PLA2G4A: variants seen among roughly 807,000 people sequenced by gnomAD.
PLA2G4A encodes the protein phospholipase A2 group IVA.
Under a neutral mutation model 81.9 loss-of-function variants are expected in PLA2G4A, and 40 were observed. The observed-to-expected ratio is 0.49, with a 90% CI of 0.38 to 0.64. PLA2G4A has a LOEUF of 0.64. Among genes scored for constraint, PLA2G4A ranks in the 30% least tolerant of loss-of-function variants. The pLI, the probability that PLA2G4A is intolerant of heterozygous loss-of-function variation, is 0.00. For missense variants in PLA2G4A, 715 were observed against 905.1 expected (o/e 0.79, Z 2.69); for synonymous variants, 302 against 296.9 (o/e 1.02, Z -0.18).
At chr1:186,913,661 CAT>C (rs10603183) in intron 7 of PLA2G4A, among the ~76,000 whole-genome samples, 33,785 of 151,934 alleles carry the variant, frequency 0.22, 4,360 homozygotes, top group South Asian at 0.38. Context: ...CATAAGTAAA[CAT>C]ATATGTGCAT....
chr1:186,851,008 C>A (rs541190771), intron 1 of PLA2G4A, among the ~76,000 whole-genome samples: 5 of 151,984 alleles, frequency 3.3e-5, no homozygotes, highest in Non-Finnish European at 7.4e-5. Flanking sequence ...AAAAGCAAAT[C>A]ATATGCATTG....
intron 3 of PLA2G4A, among the ~76,000 whole-genome samples, chr1:186,886,165 C>T (rs1396885116): frequency 1.3e-5 from 2 of 152,044 alleles, no homozygotes; most frequent in Non-Finnish European, 2.9e-5. Context: ...CCTGATATTA[C>T]AATTAATATA....
rs567124365 is a variant in PLA2G4A at position 186,872,417 on chromosome 1, T to A, written c.115+1901T>A. ...AAAAGCCATTCTTAATTCCACTAAA[T>A]TCTGTGTCAGTAGCTTGTCAGGCAT... On this transcript the variant is annotated intron_variant, in intron 3 of 17. Coordinates refer to ENST00000367466, the MANE Select transcript of PLA2G4A (RefSeq NM_024420.3). Among the ~76,000 whole-genome samples the A allele has an allele frequency of 3.3e-5, 5 of 152,224 alleles. No individual in the cohort carries two copies. In the South Asian group the frequency reaches 8.3e-4, roughly 25 times the overall value.
At chr1:186,939,492 GAAAAAAAAAAA>G (rs10599543) in intron 9 of PLA2G4A, among the ~76,000 whole-genome samples, 7 of 143,202 alleles carry the variant, frequency 4.9e-5, no homozygotes, top group African/African-American at 1.7e-4. Flanking sequence ...CTTTTCTCTG[GAAAAAAAAAAA>G]AAAAAAAAAA....
rs1316087363 is a variant in PLA2G4A at position 186,983,098 on chromosome 1, A to G, written c.2118+3626A>G. On this transcript the variant is annotated intron_variant, in intron 17 of 17. Coordinates refer to ENST00000367466, the MANE Select transcript of PLA2G4A (RefSeq NM_024420.3). Reference sequence around the variant, plus strand: ...GAGTCTGTCTCAAAAAAAAAAAAAAAAGAAAAGAAAAGAAAAGAAAACACA... The same window carrying G: ...GAGTCTGTCTCAAAAAAAAAAAAAAGAGAAAAGAAAAGAAAAGAAAACACA... 1.7e-3 allele frequency among the ~76,000 whole-genome samples: 248 copies of G among 149,290 alleles called. 4 individuals are homozygous for G. The highest frequency in any genetic ancestry group is 3.5e-3 in the Middle Eastern group (1 of 286).
chr1:186,868,779 G>A (rs757347177), intron 2 of PLA2G4A, among the ~76,000 whole-genome samples: 6 of 151,954 alleles, frequency 3.9e-5, no homozygotes, highest in East Asian at 1.9e-4. Flanking sequence ...TTAAGAAATC[G>A]ATCCATTTCA....
chr1:186,899,481 G>A (rs1470898110), intron 5 of PLA2G4A, among the ~76,000 whole-genome samples: 1 of 152,170 alleles, frequency 6.6e-6, no homozygotes, highest in Admixed American at 6.5e-5. Flanking sequence ...TCCTGGTGAA[G>A]AGAACAGCCT....
intron 1 of PLA2G4A, among the ~76,000 whole-genome samples, chr1:186,848,020 A>G (rs777160636): frequency 1.3e-5 from 2 of 152,150 alleles, no homozygotes; most frequent in Admixed American, 6.6e-5. Context: ...AAGAATCTTA[A>G]ATCCTATACA....
At chr1:186,911,675 T>A (rs972182193) in intron 7 of PLA2G4A, among the ~76,000 whole-genome samples, 2 of 152,030 alleles carry the variant, frequency 1.3e-5, no homozygotes, top group Non-Finnish European at 2.9e-5. Flanking sequence ...GCACAGAGAG[T>A]TCCAATATGC....
intron 3 of PLA2G4A, among the ~76,000 whole-genome samples, chr1:186,879,828 T>C (rs1653659791): frequency 1.2e-5 from 1 of 86,942 alleles, no homozygotes; most frequent in Non-Finnish European, 3.1e-5. Flanking sequence ...TGTTTATTTT[T>C]ATTTATTTAT....
At chr1:186,832,509 TATAAA>T in intron 1 of PLA2G4A, among the ~76,000 whole-genome samples, 1 of 152,260 alleles carries the variant, frequency 6.6e-6, no homozygotes, top group South Asian at 2.1e-4. Flanking sequence ...TTATGAGCAA[TATAAA>T]AGAGTAGAGT....
intron 2 of PLA2G4A, among the ~76,000 whole-genome samples, chr1:186,864,652 A>G (rs937998682): frequency 1.5e-4 from 22 of 149,690 alleles, no homozygotes; most frequent in African/African-American, 2.7e-4. Context: ...TCAGATTATT[A>G]TTATTATTAT....
intron 1 of PLA2G4A, among the ~76,000 whole-genome samples, chr1:186,833,245 A>C (rs1651661104): frequency 6.6e-6 from 1 of 152,042 alleles, no homozygotes; most frequent in African/African-American, 2.4e-5. Flanking sequence ...ATTTTGAAAA[A>C]ATCAGCTGGA....
intron 6 of PLA2G4A, among the ~76,000 whole-genome samples, chr1:186,907,988 C>T (rs1051496464): frequency 3.3e-5 from 5 of 151,986 alleles, no homozygotes; most frequent in South Asian, 2.1e-4. Flanking sequence ...TTTTGTTTAG[C>T]GGGGAATAGT....
intron 4 of PLA2G4A, among the ~76,000 whole-genome samples, chr1:186,893,636 A>G (rs1654225832): frequency 6.6e-6 from 1 of 152,134 alleles, no homozygotes; most frequent in Non-Finnish European, 1.5e-5. Context: ...CAGTACTCAG[A>G]AGGAAAAGAT....
intron 3 of PLA2G4A, among the ~76,000 whole-genome samples, chr1:186,872,182 A>G (rs951530805): frequency 6.6e-6 from 1 of 152,080 alleles, no homozygotes; most frequent in Admixed American, 6.6e-5. Flanking sequence ...AACCCATCTA[A>G]TCATCCCTTT....
At chr1:186,912,992 C>T (rs910870345) in intron 7 of PLA2G4A, among the ~76,000 whole-genome samples, 1 of 150,330 alleles carries the variant, frequency 6.7e-6, no homozygotes, top group African/African-American at 2.4e-5. Flanking sequence ...TCATCATTAT[C>T]GAACAAGAAG....
chr1:186,946,387 G>A (rs917956490), intron 10 of PLA2G4A, among the ~76,000 whole-genome samples: 1 of 152,058 alleles, frequency 6.6e-6, no homozygotes, highest in Admixed American at 6.6e-5. Flanking sequence ...AAATAGAAAA[G>A]TGCATCTAAT....
At chr1:186,975,423 G>T (rs1657496751) in intron 15 of PLA2G4A, among the ~76,000 whole-genome samples, 1 of 152,186 alleles carries the variant, frequency 6.6e-6, no homozygotes, top group Non-Finnish European at 1.5e-5. Flanking sequence ...GAAGCAAAAA[G>T]AGCAGTGAAA....
Sources: allele counts gnomAD v4.1 joint callset (sites outside exome capture counted in the v4.1 genomes callset), GRCh38; gene constraint gnomAD v4.1.1; transcripts MANE v1.5; gene names NCBI Gene and HGNC (gene_info 2026-07-23, HGNC 2026-07-21).